The following ADRA1B variants were observed in gnomAD, a reference collection of about 807,000 sequenced individuals.
The protein encoded by ADRA1B is alpha-1B adrenergic receptor.
In ADRA1B, 17 loss-of-function variants were observed where a neutral mutation model predicts 17.9. That is an observed-to-expected ratio of 0.95 (90% CI 0.65 to 1.42). The LOEUF (loss-of-function observed/expected upper bound fraction) is 1.42. ADRA1B is among the 40% of genes most tolerant of loss of function. ADRA1B has a pLI of 0.00. For synonymous variants in ADRA1B, 366 were observed against 327.6 expected, an observed-to-expected ratio of 1.12 and a Z score of -1.27; for missense variants, 681 against 722.1, an observed-to-expected ratio of 0.94 and a Z score of 0.65.
chr5:159,879,843 A>G (rs1250087238), intron 1 of ADRA1B, among the ~76,000 whole-genome samples: 1 of 152,034 alleles, frequency 6.6e-6, no homozygotes, highest in Non-Finnish European at 1.5e-5. Context: ...TAAAAATACA[A>G]AAATTAGCTG....
At chr5:159,967,487 G>A (rs1755796051) in intron 1 of ADRA1B, among the ~76,000 whole-genome samples, 1 of 152,172 alleles carries the variant, frequency 6.6e-6, no homozygotes, top group Non-Finnish European at 1.5e-5. Flanking sequence ...GTCAGACTCT[G>A]TGTCAAGTAT....
chr5:159,876,305 C>T (rs957824422), intron 1 of ADRA1B, among the ~76,000 whole-genome samples: 1 of 152,224 alleles, frequency 6.6e-6, no homozygotes. Flanking sequence ...GGCTTCTGTG[C>T]CATGTTTTTG....
chr5:159,883,106 T>C (rs1326893576), intron 1 of ADRA1B, among the ~76,000 whole-genome samples: 5 of 152,144 alleles, frequency 3.3e-5, no homozygotes, highest in Non-Finnish European at 5.9e-5. Context: ...TTAAGGCAAG[T>C]CTTAACTTGT....
At chr5:159,904,777 G>A (rs78621331) in intron 1 of ADRA1B, among the ~76,000 whole-genome samples, 2 of 152,222 alleles carry the variant, frequency 1.3e-5, no homozygotes, top group African/African-American at 2.4e-5. Context: ...GTGAGTCCAT[G>A]ACTCTCTTCC....
the ADRA1B span, among the ~76,000 whole-genome samples, chr5:159,979,633 C>T: frequency 6.6e-6 from 1 of 151,996 alleles, no homozygotes; most frequent in Admixed American, 6.5e-5. Context: ...CTTTGGAGGC[C>T]GTGGAGGGCG....
At chr5:159,927,736 A>G (rs1265127273) in intron 1 of ADRA1B, among the ~76,000 whole-genome samples, 1 of 152,154 alleles carries the variant, frequency 6.6e-6, no homozygotes, top group Non-Finnish European at 1.5e-5. Flanking sequence ...TCCCTGTTTT[A>G]AAACCTGGAA....
the ADRA1B span, among the ~76,000 whole-genome samples, chr5:159,980,150 TG>T: frequency 6.6e-6 from 1 of 151,930 alleles, no homozygotes; most frequent in South Asian, 2.1e-4. Flanking sequence ...CCCTGACAAC[TG>T]GCCAGAAATG....
At chr5:159,920,400 T>G (rs919776536) in intron 1 of ADRA1B, among the ~76,000 whole-genome samples, 2 of 152,202 alleles carry the variant, frequency 1.3e-5, no homozygotes, top group Non-Finnish European at 2.9e-5. Flanking sequence ...TTTCTGTCTG[T>G]GCCTTTCTGA....
chr5:159,885,813 C>T (rs918762918), intron 1 of ADRA1B, among the ~76,000 whole-genome samples: 3 of 152,192 alleles, frequency 2.0e-5, no homozygotes, highest in Non-Finnish European at 4.4e-5. Flanking sequence ...CAGTGTTTAC[C>T]ATGAGCCAGC....
At chr5:159,866,671 C>T (rs1753657762) in intron 1 of ADRA1B, among the ~76,000 whole-genome samples, 1 of 151,746 alleles carries the variant, frequency 6.6e-6, no homozygotes, top group Admixed American at 6.6e-5. Flanking sequence ...ACATAAAAAC[C>T]ATTATGTGCT....
intron 1 of ADRA1B, among the ~76,000 whole-genome samples, chr5:159,894,532 A>T (rs780923923): frequency 6.6e-6 from 1 of 152,198 alleles, no homozygotes; most frequent in African/African-American, 2.4e-5. Flanking sequence ...TTTAGGTCAA[A>T]TTTTGCTACA....
chr5:159,919,422 C>T (rs746139709), intron 1 of ADRA1B, among the ~76,000 whole-genome samples: 1 of 152,188 alleles, frequency 6.6e-6, no homozygotes, highest in Non-Finnish European at 1.5e-5. Context: ...TCTTATTAGC[C>T]ATATGACCTT....
chr5:159,971,521 C>A (rs916864778), intron 1 of ADRA1B, among the ~76,000 whole-genome samples: 1 of 152,192 alleles, frequency 6.6e-6, no homozygotes, highest in Admixed American at 6.5e-5. Flanking sequence ...AAGCACCTAG[C>A]ACAGTGCCTG....
chr5:159,911,355 T>C (rs937431055), intron 1 of ADRA1B, among the ~76,000 whole-genome samples: 4 of 152,248 alleles, frequency 2.6e-5, no homozygotes, highest in African/African-American at 7.2e-5. Context: ...AGAATGGATC[T>C]GCTCTCTAGT....
chr5:159,966,379 C>CTAT (rs2113290658), intron 1 of ADRA1B, among the ~76,000 whole-genome samples: 1 of 152,266 alleles, frequency 6.6e-6, no homozygotes, highest in African/African-American at 2.4e-5. Flanking sequence ...GAGGTCAGTA[C>CTAT]TATTATTAGC....
chr5:159,964,820 T>C (rs895392694), intron 1 of ADRA1B, among the ~76,000 whole-genome samples: 6 of 152,202 alleles, frequency 3.9e-5, no homozygotes, highest in Non-Finnish European at 7.4e-5. Flanking sequence ...GTAGCAGTGG[T>C]ACTGGTGGTA....
chr5:159,946,227 C>T (rs1227027963), intron 1 of ADRA1B, among the ~76,000 whole-genome samples: 4 of 152,168 alleles, frequency 2.6e-5, no homozygotes, highest in Non-Finnish European at 5.9e-5. Context: ...AAGCCTGATC[C>T]GGGATTTACA....
chr5:159,943,912 T>TCACACACACACACA lies in ADRA1B; in HGVS notation c.949+26073_949+26086dup, dbSNP rs70987984. Among the ~76,000 whole-genome samples the TCACACACACACACA allele has an allele frequency of 3.4e-5, 5 of 147,442 alleles. No individual in the cohort carries two copies. The East Asian group carries it at 1.0e-3, about 30-fold the overall frequency. On this transcript the variant is annotated intron_variant, in intron 1 of 1. Coordinates refer to ENST00000306675, the MANE Select transcript of ADRA1B (RefSeq NM_000679.4). ...CATTCTCTCTCTCTCTCTGTCTCTC[T>TCACACACACACACA]CACACACACACACACACACACACAC...
chr5:159,954,985 C>T (rs1755524523), intron 1 of ADRA1B: 2 of 270,024 alleles, frequency 7.4e-6, no homozygotes, highest in African/African-American at 4.6e-5. Context: ...TTATGGCATG[C>T]CGGTAGACCT....
Sources: gnomAD v4.1 joint callset for allele counts (sites outside exome capture counted in the v4.1 genomes callset) on GRCh38, gnomAD v4.1.1 for gene constraint, MANE v1.5 for transcripts, NCBI Gene and HGNC (gene_info 2026-07-23, HGNC 2026-07-21) for gene names.